AFF1: variants seen among roughly 807,000 people sequenced by gnomAD.
AFF1 encodes the protein ALF transcription elongation factor 1, also known as AF4/FMR2 family member 1.
Under a neutral mutation model 121.7 loss-of-function variants are expected in AFF1, and 48 were observed. The ratio of observed to expected loss-of-function variants is 0.39; its 90% confidence interval spans 0.31 to 0.50. AFF1 has a LOEUF of 0.50. Ranked by LOEUF, AFF1 falls within the 20% of genes least tolerant of loss-of-function variation. The pLI is 0.76. For synonymous variants in AFF1, 613 were observed against 563.0 expected, an observed-to-expected ratio of 1.09 and a Z score of -1.26; for missense variants, 1,523 against 1,511.7, an observed-to-expected ratio of 1.01 and a Z score of -0.12.
chr4:87,051,071 T>G (rs1331209625), intron 4 of AFF1, among the ~76,000 whole-genome samples: 1 of 152,200 alleles, frequency 6.6e-6, no homozygotes, highest in South Asian at 2.1e-4. Flanking sequence ...TAAGCAGAGA[T>G]GGGTATACCA....
chr4:87,039,859 T>A (rs1000973638), intron 2 of AFF1, among the ~76,000 whole-genome samples: 6 of 152,162 alleles, frequency 3.9e-5, no homozygotes, highest in Admixed American at 3.3e-4. Context: ...CAGGGGCACA[T>A]CAGAGGCTCT....
At chr4:87,029,185 G>A (rs768248680) in intron 2 of AFF1, among the ~76,000 whole-genome samples, 7 of 152,146 alleles carry the variant, frequency 4.6e-5, no homozygotes, top group Non-Finnish European at 1.0e-4. Context: ...TATTGTGGCC[G>A]TTTCTGAGCT....
intron 8 of AFF1, among the ~76,000 whole-genome samples, chr4:87,105,260 T>C (rs920614053): frequency 5.3e-5 from 8 of 152,206 alleles, no homozygotes; most frequent in African/African-American, 1.9e-4. Context: ...TTTGTTTTGT[T>C]TGCATGGACC....
intron 2 of AFF1, among the ~76,000 whole-genome samples, chr4:86,968,359 G>A (rs935616877): frequency 3.3e-5 from 5 of 152,196 alleles, no homozygotes; most frequent in African/African-American, 2.4e-5. Flanking sequence ...ATTGGCCTCT[G>A]CCACCAAGAA....
At chr4:87,057,683 A>G (rs1470560617) in intron 4 of AFF1, among the ~76,000 whole-genome samples, 1 of 152,216 alleles carries the variant, frequency 6.6e-6, no homozygotes, top group Non-Finnish European at 1.5e-5. Context: ...ATTGAAATGT[A>G]CTTTAGAAAT....
chr4:86,990,458 C>T (rs570392508), intron 2 of AFF1, among the ~76,000 whole-genome samples: 1 of 151,824 alleles, frequency 6.6e-6, no homozygotes, highest in Non-Finnish European at 1.5e-5. Flanking sequence ...GTGAAGAAAA[C>T]ATAAGGCCAT....
rs201740350 is a variant in AFF1 at position 87,022,662 on chromosome 4, G to A, written c.39-23504G>A. ...TGTATATATGTGTGTGTATATATATGTGTGTGTATATATATGTGTGTGTAT... is the reference window on the plus strand; with the variant it reads ...TGTATATATGTGTGTGTATATATATATGTGTGTATATATATGTGTGTGTAT... On this transcript the variant is annotated intron_variant, in intron 2 of 20. Transcript: ENST00000395146. Among the ~76,000 whole-genome samples the A allele has an allele frequency of 5.3e-4, 39 of 74,100 alleles. 1 individual carries two copies. Among genetic ancestry groups the A allele is most frequent in the African/African-American group, 1.5e-3 (34 of 23,350 alleles). 48.6% of individuals were successfully genotyped at this position (74,100 alleles called of 152,430 possible).
chr4:87,035,829 A>C (rs545892618), intron 2 of AFF1, among the ~76,000 whole-genome samples: 42 of 152,374 alleles, frequency 2.8e-4, no homozygotes, highest in South Asian at 8.3e-4. Flanking sequence ...TTAAAGGAAG[A>C]AAGCATTAAG....
intron 2 of AFF1, among the ~76,000 whole-genome samples, chr4:86,956,620 A>G (rs562205649): frequency 6.6e-6 from 1 of 152,174 alleles, no homozygotes; most frequent in Non-Finnish European, 1.5e-5. Context: ...CCAGGTAACT[A>G]TTAATCCTCA....
chr4:87,093,364 A>T (rs1208945967), intron 7 of AFF1, among the ~76,000 whole-genome samples: 2 of 152,134 alleles, frequency 1.3e-5, no homozygotes, highest in African/African-American at 4.8e-5. Context: ...TGCATGTAGG[A>T]TGAAGAGGAT....
chr4:86,964,224 A>G (rs2149471597), intron 2 of AFF1, among the ~76,000 whole-genome samples: 1 of 151,282 alleles, frequency 6.6e-6, no homozygotes, highest in East Asian at 1.9e-4. Context: ...CCCAGGTTCA[A>G]GCCATTCTCC....
intron 2 of AFF1, among the ~76,000 whole-genome samples, chr4:86,953,991 G>A (rs866879274): frequency 3.3e-5 from 5 of 152,242 alleles, no homozygotes; most frequent in African/African-American, 4.8e-5. Context: ...GATTACAGGC[G>A]TGAGCCACCG....
At chr4:87,056,825 T>G (rs568696459) in intron 4 of AFF1, among the ~76,000 whole-genome samples, 3 of 152,334 alleles carry the variant, frequency 2.0e-5, no homozygotes, top group Admixed American at 6.5e-5. Flanking sequence ...ATAGTCCCCT[T>G]GTTCACTTTA....
intron 2 of AFF1, among the ~76,000 whole-genome samples, chr4:87,002,611 G>A (rs933892963): frequency 2.0e-5 from 3 of 151,684 alleles, no homozygotes; most frequent in African/African-American, 7.3e-5. Flanking sequence ...GTTTCACCAT[G>A]TTGGCCAGGC....
intron 2 of AFF1, among the ~76,000 whole-genome samples, chr4:87,014,375 C>T (rs1194110613): frequency 2.6e-5 from 4 of 152,168 alleles, no homozygotes; most frequent in Non-Finnish European, 2.9e-5. Flanking sequence ...TCAGTTTTGT[C>T]CAAACTTTGT....
At position 87,108,327 on chromosome 4, in the gene AFF1, C is replaced by T. The variant is rs753580608; in HGVS notation, c.1533+12C>T. The T allele has an allele frequency of 6.2e-7, 1 of 1,611,068 alleles. No individual in the cohort carries two copies. The highest frequency in any genetic ancestry group is 1.1e-5 in the South Asian group (1 of 90,954). The stretch of plus-strand genomic sequence containing the variant: ...CCCCAGCTCCGGAGGTACCGTGTTC[C>T]CCCTCGAGATGGCCACCTTAGATGG... On this transcript the variant is annotated intron_variant, in intron 11 of 20. Coordinates refer to ENST00000395146, the MANE Select transcript of AFF1 (RefSeq NM_001166693.3).
At position 87,140,107 on chromosome 4, in the gene AFF1, A is replaced by G. The variant is rs1729604714; in HGVS notation, c.*4406A>G. 1 of 203,756 alleles carries G rather than the reference A, an allele frequency of 4.9e-6. No individual in the cohort carries two copies. Among genetic ancestry groups the G allele is most frequent in the South Asian group, 1.9e-4 (1 of 5,272 alleles). 12.6% of individuals were successfully genotyped at this position (203,756 alleles called of 1,614,324 possible). A position where few individuals can be genotyped will look rare whatever the true frequency, so the allele number is the denominator to read the frequency against. ...GCTCCTTGTGAGCCTATATATTAGTATATCGGCCTGGAGAGGACAAGGGAA... is the reference window on the plus strand; with the variant it reads ...GCTCCTTGTGAGCCTATATATTAGTGTATCGGCCTGGAGAGGACAAGGGAA... On this transcript the variant is annotated 3_prime_UTR_variant, in exon 21 of 21. Coordinates refer to ENST00000395146, the MANE Select transcript of AFF1 (RefSeq NM_001166693.3).
chr4:87,008,510 T>TTTTA (rs1726401618), intron 2 of AFF1, among the ~76,000 whole-genome samples: 1 of 152,160 alleles, frequency 6.6e-6, no homozygotes, highest in Admixed American at 6.5e-5. Flanking sequence ...TCTGCTTCCA[T>TTTTA]TTTATTGAGT....
At chr4:87,071,342 C>G (rs1318634240) in intron 4 of AFF1, among the ~76,000 whole-genome samples, 1 of 152,078 alleles carries the variant, frequency 6.6e-6, no homozygotes. Flanking sequence ...ACAGATAAAA[C>G]TGATCTGCTC....
Sources: gnomAD v4.1 joint callset for allele counts (sites outside exome capture counted in the v4.1 genomes callset) on GRCh38, gnomAD v4.1.1 for gene constraint, MANE v1.5 for transcripts, NCBI Gene and HGNC (gene_info 2026-07-23, HGNC 2026-07-21) for gene names.